BRCA1: variants seen among roughly 807,000 people sequenced by gnomAD.
BRCA1 encodes the protein BRCA1 DNA repair associated.
A neutral mutation model predicts 173.7 loss-of-function variants in BRCA1; 140 were observed. The observed-to-expected ratio is 0.81, with a 90% CI of 0.70 to 0.93. BRCA1 has a LOEUF of 0.93. BRCA1 is among the 40% of genes least tolerant of loss of function. The pLI, the probability that BRCA1 is intolerant of heterozygous loss-of-function variation, is 0.00. For synonymous variants in BRCA1, 662 were observed against 756.0 expected, an observed-to-expected ratio of 0.88 and a Z score of 2.04; for missense variants, 1,983 against 2,172.5, an observed-to-expected ratio of 0.91 and a Z score of 1.73.
chr17:43,136,595 T>C (rs1260386730), intron 1 of BRCA1, among the ~76,000 whole-genome samples: 2 of 151,898 alleles, frequency 1.3e-5, no homozygotes, highest in African/African-American at 4.8e-5. Context: ...CAATAAAAAA[T>C]CAAACAACCC....
chr17:43,123,584 G>T (rs1055049256), intron 2 of BRCA1, among the ~76,000 whole-genome samples: 2 of 152,046 alleles, frequency 1.3e-5, no homozygotes. Context: ...TCCTGACCTC[G>T]TGATCCTACC....
chr17:43,103,304 TA>T (rs1335037602), intron 6 of BRCA1, among the ~76,000 whole-genome samples: 1 of 151,818 alleles, frequency 6.6e-6, no homozygotes, highest in Non-Finnish European at 1.5e-5. Flanking sequence ...CCGACTCTAC[TA>T]AAATTACAAA....
intron 14 of BRCA1, among the ~76,000 whole-genome samples, chr17:43,072,387 C>T (rs2052490234): frequency 6.6e-6 from 1 of 151,388 alleles, no homozygotes; most frequent in Admixed American, 6.6e-5. Flanking sequence ...GAAACTCCGT[C>T]TCAAAAAAGA....
Position 43,100,609 on chromosome 17 carries a change from CATATATATAACATATATATATGTT to C in BRCA1, c.442-753_442-730del, listed in dbSNP as rs2054370951. On this transcript the variant is annotated intron_variant, in intron 6 of 22. Coordinates refer to ENST00000357654, the MANE Select transcript of BRCA1 (RefSeq NM_007294.4). ...ACATATATATATTATATATATATAACATATATATAACATATATATATGTTATATATATATAACATATATATAACA... is the reference window on the plus strand; with the variant it reads ...ACATATATATATTATATATATATAACATATATATATAACATATATATAACA... 1.2e-4 allele frequency among the ~76,000 whole-genome samples: 8 copies of C among 65,772 alleles called. 1 individual carries two copies. The East Asian group carries it at 3.3e-3, about 27-fold the overall frequency. The allele number at this position is 65,772 out of a possible 152,430, so 43.1% of individuals were successfully genotyped here. A position where few individuals can be genotyped will look rare whatever the true frequency, so the allele number is the denominator to read the frequency against.
At chr17:43,078,081 T>G (rs1300125328) in intron 12 of BRCA1, among the ~76,000 whole-genome samples, 1 of 122,158 alleles carries the variant, frequency 8.2e-6, no homozygotes, top group Non-Finnish European at 1.6e-5. Context: ...ACCAGGCTGG[T>G]TTCAAACTTT....
At chr17:43,144,982 C>T (rs1221878869) in intron 1 of BRCA1, 8 of 643,120 alleles carry the variant, frequency 1.2e-5, no homozygotes, top group Non-Finnish European at 2.1e-5. Flanking sequence ...TCAGCTCCAC[C>T]GAAGGGGCTG....
chr17:43,164,639 G>A (rs1018004652), intron 1 of BRCA1: 2 of 152,158 alleles, frequency 1.3e-5, no homozygotes, highest in African/African-American at 4.8e-5. Flanking sequence ...ACTCTGGAGG[G>A]GGTGGCACTT....
At chr17:43,128,081 C>T (rs1410260368), upstream of BRCA1, among the ~76,000 whole-genome samples, 5 of 151,632 alleles carry the variant, frequency 3.3e-5, no homozygotes, top group Middle Eastern at 3.4e-3. Flanking sequence ...AGCAGCAACC[C>T]GCTCTGGTCT....
intron 2 of BRCA1, among the ~76,000 whole-genome samples, chr17:43,122,294 C>G (rs1440329033): frequency 1.3e-5 from 2 of 152,080 alleles, no homozygotes; most frequent in Non-Finnish European, 2.9e-5. Flanking sequence ...CACTACTAAC[C>G]ATCACCATAT....
intron 16 of BRCA1, among the ~76,000 whole-genome samples, chr17:43,065,686 A>G (rs1426408157): frequency 6.6e-6 from 1 of 152,114 alleles, no homozygotes; most frequent in Admixed American, 6.6e-5. Flanking sequence ...AAAAACAAAA[A>G]CAAAAGAATC....
At chr17:43,132,257 T>G (rs375163770) in intron 1 of BRCA1, among the ~76,000 whole-genome samples, 57 of 152,212 alleles carry the variant, frequency 3.7e-4, no homozygotes, top group African/African-American at 1.4e-3. Flanking sequence ...TGAACATCAA[T>G]AAAATTCAAT....
intron 14 of BRCA1, among the ~76,000 whole-genome samples, chr17:43,073,949 G>T (rs1284603167): frequency 1.3e-5 from 2 of 151,986 alleles, no homozygotes; most frequent in African/African-American, 2.4e-5. Context: ...TAGAGACAGG[G>T]TTTCACCATG....
At chr17:43,128,193 C>A (rs768795608), upstream of BRCA1, among the ~76,000 whole-genome samples, 1 of 151,430 alleles carries the variant, frequency 6.6e-6, no homozygotes, top group African/African-American at 2.5e-5. Flanking sequence ...GTAACACCGA[C>A]CGCAGAGGTC....
chr17:43,092,976 A>C lies in BRCA1; in HGVS notation c.2555T>G (p.Leu852Arg). The C allele has an allele frequency of 6.2e-7, 1 of 1,613,426 alleles. No individual in the cohort carries two copies. Among genetic ancestry groups the C allele is most frequent in the Non-Finnish European group, 8.5e-7 (1 of 1,179,522 alleles). The change falls in exon 10 of 23, where the codon CTT (leucine) becomes CGT (arginine). Residue 852 changes from leucine to arginine, a missense_variant. Physicochemically the swap from Leu to Arg is moderately radical, Grantham distance 102. Coordinates refer to ENST00000357654, the MANE Select transcript of BRCA1 (RefSeq NM_007294.4). ...TGTATTCTGCAAATACTGAGCATCA[A>C]GTTCACTTTCTTCCATTTCTATGCT... ...ETSIEMEESE[L>R]DAQYLQNTFK...
chr17:43,082,004 C>A (rs942904068), intron 12 of BRCA1, among the ~76,000 whole-genome samples: 1 of 152,220 alleles, frequency 6.6e-6, no homozygotes, highest in African/African-American at 2.4e-5. Flanking sequence ...ATCAGAAGCA[C>A]ATTAAATAGG....
chr17:43,100,608 A>T (rs1425088042), intron 6 of BRCA1, among the ~76,000 whole-genome samples: 5 of 82,724 alleles, frequency 6.0e-5, no homozygotes, highest in African/African-American at 2.0e-4. Context: ...TATATATATA[A>T]CATATATATA....
At chr17:43,105,234 GTACT>G (rs2054710474) in intron 4 of BRCA1, among the ~76,000 whole-genome samples, 1 of 151,906 alleles carries the variant, frequency 6.6e-6, no homozygotes, top group Non-Finnish European at 1.5e-5. Context: ...GAAAACTAGA[GTACT>G]TTTTTTTTTG....
In BRCA1 at chr17:43,104,952, G is replaced by A. The variant is rs786201203; in HGVS notation, c.217C>T (p.Leu73=). The A allele has an allele frequency of 6.2e-7, 1 of 1,613,034 alleles. No homozygotes were observed. The highest frequency in any genetic ancestry group is 8.5e-7 in the Non-Finnish European group (1 of 1,179,428). The change falls in exon 5 of 23, where the codon CTA becomes TTA. Residue 73 remains leucine (L), a synonymous_variant. Transcript: ENST00000357654. ...LCKNDITKRS[L]QESTRFSQLV... is the part of the protein sequence containing the mutation. ...TGACTAAATCTCGTACTTTCTTGTA[G>A]GCTCCTGAAATTAAATTGTTTGAGA...
At position 43,045,739 on chromosome 17, in the gene BRCA1, A is replaced by T. The variant is rs80357323; in HGVS notation, c.5531T>A (p.Leu1844His). The T allele has an allele frequency of 6.2e-7, 1 of 1,613,842 alleles. No individual in the cohort carries two copies. The highest frequency in any genetic ancestry group is 8.5e-7 in the Non-Finnish European group (1 of 1,179,954). ...GGTGTCCAGCTCCTGGCACTGGTAG[A>T]GTGCTACACTGTCCAACACCCACTC... Reference protein sequence around the residue: ...TREWVLDSVALYQCQELDTYL... With the variant: ...TREWVLDSVAHYQCQELDTYL... The change falls in exon 23 of 23, where the codon CTC becomes CAC. Residue 1844 changes from leucine (L) to histidine (H), a missense_variant. Coordinates refer to ENST00000357654, the MANE Select transcript of BRCA1 (RefSeq NM_007294.4).
Sources: allele counts gnomAD v4.1 joint callset (sites outside exome capture counted in the v4.1 genomes callset), GRCh38; gene constraint gnomAD v4.1.1; transcripts MANE v1.5; gene names NCBI Gene and HGNC (gene_info 2026-07-23, HGNC 2026-07-21).